The following MCC variants were observed in gnomAD, a reference collection of about 807,000 sequenced individuals.
MCC encodes colorectal mutant cancer protein.
In MCC, 90 loss-of-function variants were observed where a neutral mutation model predicts 116.2. The ratio of observed to expected loss-of-function variants is 0.77; its 90% CI spans 0.65 to 0.92. The LOEUF (loss-of-function observed/expected upper bound fraction) is 0.92, where lower values mean the gene tolerates loss of function less well. Among genes scored for constraint, MCC ranks in the 40% least tolerant of loss-of-function variants. The probability of loss-of-function intolerance (pLI) is 0.00; values close to 1 mark genes in which losing one functional copy is unlikely to be tolerated. For missense variants in MCC, 1,516 were observed against 1,312.2 expected, an observed-to-expected ratio of 1.16 and a Z score of -2.40; for synonymous variants, 578 against 510.5, an observed-to-expected ratio of 1.13 and a Z score of -1.78.
At chr5:113,460,343 A>G (rs1317790281) in intron 1 of MCC, among the ~76,000 whole-genome samples, 2 of 152,234 alleles carry the variant, frequency 1.3e-5, no homozygotes, top group Non-Finnish European at 2.9e-5. Flanking sequence ...GAAGAGGTCC[A>G]GCAGCTCTCT....
intron 1 of MCC, among the ~76,000 whole-genome samples, chr5:113,458,178 T>G (rs1771632767): frequency 6.6e-6 from 1 of 152,172 alleles, no homozygotes. Context: ...AGCTTTGTTC[T>G]TTTGCTCTTT....
chr5:113,068,023 C>T, intron 13 of MCC, 57 bp downstream of exon 13: 1 of 1,447,728 alleles, frequency 6.9e-7, no homozygotes, highest in Admixed American at 1.7e-5. Context: ...GAGACAGGGG[C>T]AGAAGCAAAG....
At position 113,026,767 on chromosome 5, in the gene MCC, A is replaced by G. The variant is rs988665314; in HGVS notation, c.*535T>C. The stretch of plus-strand genomic sequence containing the variant: ...GAGATCACCTCTTATGGCCGCCTCT[A>G]TCTTAAAGTTGAGACCCGGGACTTG... On this transcript the variant is annotated 3_prime_UTR_variant, in exon 19 of 19. Transcript: ENST00000408903. 1.3e-5 allele frequency: 2 copies of G among 153,916 alleles called. No homozygotes were observed. The highest frequency in any genetic ancestry group is 2.9e-5 in the Non-Finnish European group (2 of 69,440). The allele number at this position is 153,916 out of a possible 1,614,324, so 9.5% of individuals were successfully genotyped here.
chr5:113,372,100 TTG>T (rs1435705146), intron 2 of MCC, among the ~76,000 whole-genome samples: 1 of 152,224 alleles, frequency 6.6e-6, no homozygotes, highest in East Asian at 1.9e-4. Context: ...AACAATTTCA[TTG>T]TGTTATGTGT....
chr5:113,060,808 T>C (rs1753163849), intron 14 of MCC, among the ~76,000 whole-genome samples: 1 of 152,168 alleles, frequency 6.6e-6, no homozygotes, highest in Non-Finnish European at 1.5e-5. Flanking sequence ...GGGGCTGGTC[T>C]CTAGAGCTCA....
chr5:113,435,292 G>C (rs1462714819), intron 1 of MCC: 1 of 166,880 alleles, frequency 6.0e-6, no homozygotes, highest in East Asian at 1.6e-4. Flanking sequence ...TTAATAAAGG[G>C]ACAATTAATA....
At chr5:113,332,127 C>T (rs1767711501) in intron 3 of MCC, among the ~76,000 whole-genome samples, 1 of 151,580 alleles carries the variant, frequency 6.6e-6, no homozygotes, top group Non-Finnish European at 1.5e-5. Flanking sequence ...TTTTTAGTTT[C>T]TATTTCCAAA....
intron 3 of MCC, among the ~76,000 whole-genome samples, chr5:113,169,514 G>A (rs1375057707): frequency 6.6e-6 from 1 of 152,060 alleles, no homozygotes; most frequent in East Asian, 1.9e-4. Flanking sequence ...GAGATGAGGT[G>A]TGCACTGAGA....
chr5:113,107,208 C>CTTTTTTTTTTTTTTTTTTTTT (rs746820475), intron 6 of MCC, among the ~76,000 whole-genome samples: 6 of 125,070 alleles, frequency 4.8e-5, no homozygotes, highest in South Asian at 2.3e-4. Context: ...GCATGTTTTT[C>CTTTTTTTTTTTTTTTTTTTTT]TTTTTTTTTT....
At chr5:113,084,581 T>G (rs1320417517) in intron 9 of MCC, among the ~76,000 whole-genome samples, 2 of 152,018 alleles carry the variant, frequency 1.3e-5, no homozygotes, top group African/African-American at 2.4e-5. Context: ...CTTATTAAAC[T>G]TGATAGTTAA....
chr5:113,245,658 G>GA (rs2150341149), intron 3 of MCC, among the ~76,000 whole-genome samples: 1 of 152,244 alleles, frequency 6.6e-6, no homozygotes, highest in South Asian at 2.1e-4. Context: ...CCTTCCTAGA[G>GA]AATATAAGGC....
intron 1 of MCC, among the ~76,000 whole-genome samples, chr5:113,469,493 T>C (rs534286109): frequency 2.6e-5 from 4 of 152,352 alleles, no homozygotes; most frequent in Admixed American, 2.0e-4. Context: ...TTGTGCGGTT[T>C]TGAGTGAGTT....
chr5:113,044,133 A>C (rs1751915773), intron 16 of MCC, among the ~76,000 whole-genome samples: 1 of 152,134 alleles, frequency 6.6e-6, no homozygotes, highest in African/African-American at 2.4e-5. Context: ...AGTGAGAAAT[A>C]CCTGTGAATA....
intron 3 of MCC, among the ~76,000 whole-genome samples, chr5:113,283,063 G>A (rs1203559110): frequency 3.9e-5 from 6 of 152,210 alleles, no homozygotes; most frequent in Non-Finnish European, 7.3e-5. Context: ...AAAGTAGCCC[G>A]GCCCGACAAA....
chr5:113,464,394 C>T (rs539780674), intron 1 of MCC, among the ~76,000 whole-genome samples: 1 of 152,312 alleles, frequency 6.6e-6, no homozygotes, highest in Admixed American at 6.5e-5. Context: ...TGGCTTTTGC[C>T]TTTGCTGTTC....
intron 1 of MCC, among the ~76,000 whole-genome samples, chr5:113,410,646 A>T (rs1272409301): frequency 6.6e-6 from 1 of 152,260 alleles, no homozygotes; most frequent in Non-Finnish European, 1.5e-5. Context: ...GTTATGAGGT[A>T]CATGTGCACA....
intron 5 of MCC, among the ~76,000 whole-genome samples, chr5:113,133,710 A>C (rs1196743756): frequency 6.6e-6 from 1 of 152,188 alleles, no homozygotes; most frequent in African/African-American, 2.4e-5. Context: ...ATACTGTCTT[A>C]CATAGCAGTT....
chr5:113,055,593 C>G (rs964596512), intron 14 of MCC, among the ~76,000 whole-genome samples: 1 of 152,318 alleles, frequency 6.6e-6, no homozygotes, highest in South Asian at 2.1e-4. Flanking sequence ...CCCTTTGGGG[C>G]TGCGTCTCAC....
intron 1 of MCC, among the ~76,000 whole-genome samples, chr5:113,394,946 A>C (rs745712984): frequency 1.3e-5 from 2 of 152,202 alleles, no homozygotes; most frequent in Non-Finnish European, 2.9e-5. Flanking sequence ...TTTTGCTATA[A>C]TAGCAGAGTT....
Sources: gnomAD v4.1 joint callset for allele counts (sites outside exome capture counted in the v4.1 genomes callset) on GRCh38, gnomAD v4.1.1 for gene constraint, MANE v1.5 for transcripts, NCBI Gene and HGNC (gene_info 2026-07-23, HGNC 2026-07-21) for gene names.